The following FHOD3 variants were observed in gnomAD, a reference collection of about 807,000 sequenced individuals.
FHOD3 encodes FH1/FH2 domain-containing protein 3.
In FHOD3, 90 loss-of-function variants were observed where a neutral mutation model predicts 173.0. The observed-to-expected ratio is 0.52, with a 90% CI of 0.44 to 0.62. The LOEUF (loss-of-function observed/expected upper bound fraction) is 0.62. FHOD3 is among the 20% of genes least tolerant of loss of function. FHOD3 has a pLI of 0.00. For missense variants in FHOD3, 1,945 were observed against 2,034.7 expected (o/e 0.96, Z 0.85); for synonymous variants, 828 against 823.0 (o/e 1.01, Z -0.10).
At chr18:36,662,860 C>T (rs993114686) in intron 14 of FHOD3, among the ~76,000 whole-genome samples, 3 of 152,208 alleles carry the variant, frequency 2.0e-5, no homozygotes, top group Non-Finnish European at 2.9e-5. Flanking sequence ...TCCTTATATC[C>T]CTCTTTCCTC....
chr18:36,333,294 G>A (rs1299574564), intron 1 of FHOD3, among the ~76,000 whole-genome samples: 1 of 152,230 alleles, frequency 6.6e-6, no homozygotes, highest in Non-Finnish European at 1.5e-5. Context: ...GTCAGGTAAA[G>A]ACAGCTGCTG....
At chr18:36,578,256 G>A (rs2058727525) in intron 6 of FHOD3, among the ~76,000 whole-genome samples, 1 of 152,182 alleles carries the variant, frequency 6.6e-6, no homozygotes, top group Non-Finnish European at 1.5e-5. Flanking sequence ...CAAAATCATG[G>A]CGGAAGGCGG....
chr18:36,541,147 A>G (rs1400360499), intron 5 of FHOD3, among the ~76,000 whole-genome samples: 1 of 146,076 alleles, frequency 6.8e-6, no homozygotes, highest in Non-Finnish European at 1.5e-5. Context: ...GCTACTCTGG[A>G]GGCTGAGGAA....
chr18:36,456,276 T>C (rs908370242), intron 3 of FHOD3, among the ~76,000 whole-genome samples: 20 of 152,134 alleles, frequency 1.3e-4, no homozygotes, highest in Admixed American at 8.5e-4. Flanking sequence ...AATCAACTTC[T>C]GACATTGATT....
At chr18:36,769,733 C>T (rs952579548) in intron 28 of FHOD3, among the ~76,000 whole-genome samples, 4 of 151,966 alleles carry the variant, frequency 2.6e-5, no homozygotes, top group Admixed American at 6.6e-5. Flanking sequence ...GGGGTGAGCA[C>T]GATGGGCTAG....
intron 19 of FHOD3, among the ~76,000 whole-genome samples, chr18:36,721,976 T>C (rs2040818330): frequency 6.6e-6 from 1 of 152,148 alleles, no homozygotes; most frequent in African/African-American, 2.4e-5. Context: ...AAAACAAAGA[T>C]TCATGAGCCA....
At chr18:36,423,392 C>T (rs2050086797) in intron 3 of FHOD3, among the ~76,000 whole-genome samples, 2 of 152,120 alleles carry the variant, frequency 1.3e-5, no homozygotes, top group Non-Finnish European at 2.9e-5. Context: ...CATAGAACAG[C>T]TGATGTCATC....
intron 8 of FHOD3, among the ~76,000 whole-genome samples, chr18:36,608,136 C>A (rs1424649934): frequency 6.6e-6 from 1 of 152,198 alleles, no homozygotes; most frequent in Non-Finnish European, 1.5e-5. Flanking sequence ...TAGCAACAGC[C>A]CACTTCTCTG....
At chr18:36,305,150 C>T (rs987784017) in intron 1 of FHOD3, among the ~76,000 whole-genome samples, 5 of 152,158 alleles carry the variant, frequency 3.3e-5, no homozygotes, top group African/African-American at 9.7e-5. Flanking sequence ...TATCACCAAT[C>T]TGCAAAATAT....
intron 24 of FHOD3, among the ~76,000 whole-genome samples, chr18:36,753,644 T>C (rs906731350): frequency 9.8e-5 from 15 of 152,370 alleles, no homozygotes; most frequent in Middle Eastern, 3.4e-3. Context: ...TCATTTTCTA[T>C]GGCTGCTAAA....
At chr18:36,760,213 C>T (rs1237013110) in intron 26 of FHOD3, among the ~76,000 whole-genome samples, 1 of 152,178 alleles carries the variant, frequency 6.6e-6, no homozygotes, top group African/African-American at 2.4e-5. Context: ...AAAAATAAAG[C>T]TCAATATGCT....
intron 14 of FHOD3, among the ~76,000 whole-genome samples, chr18:36,662,144 T>G (rs1234203679): frequency 6.6e-6 from 1 of 152,192 alleles, no homozygotes; most frequent in Non-Finnish European, 1.5e-5. Context: ...TTGTGAGGCT[T>G]TGGGAAAGGC....
chr18:36,438,095 A>G (rs1377681997), intron 3 of FHOD3, among the ~76,000 whole-genome samples: 1 of 152,168 alleles, frequency 6.6e-6, no homozygotes, highest in African/African-American at 2.4e-5. Flanking sequence ...CAAGGCTGTT[A>G]GGAACCTCCA....
intron 8 of FHOD3, among the ~76,000 whole-genome samples, chr18:36,604,188 A>G (rs1446330565): frequency 6.6e-6 from 1 of 151,852 alleles, no homozygotes; most frequent in African/African-American, 2.4e-5. Flanking sequence ...CTCGCCAGCC[A>G]CCCCATGGGC....
intron 10 of FHOD3, among the ~76,000 whole-genome samples, chr18:36,642,882 GT>G (rs996717958): frequency 7.3e-5 from 11 of 150,704 alleles, no homozygotes; most frequent in African/African-American, 1.5e-4. Context: ...TATTGTGGGG[GT>G]TTTTTTCAGT....
At chr18:36,603,783 C>T (rs968819382) in intron 8 of FHOD3, among the ~76,000 whole-genome samples, 19 of 152,154 alleles carry the variant, frequency 1.2e-4, no homozygotes, top group Admixed American at 4.6e-4. Context: ...GGATTACAGG[C>T]GTGAGCCACT....
At chr18:36,650,386 G>A (rs2035970454) in intron 11 of FHOD3, among the ~76,000 whole-genome samples, 2 of 152,080 alleles carry the variant, frequency 1.3e-5, no homozygotes, top group Admixed American at 6.5e-5. Flanking sequence ...TGCCATGCCC[G>A]GGGGTCATAG....
At chr18:36,302,643 G>A (rs557134192) in intron 1 of FHOD3, among the ~76,000 whole-genome samples, 6 of 152,312 alleles carry the variant, frequency 3.9e-5, no homozygotes, top group African/African-American at 9.6e-5. Context: ...TGATTGATTG[G>A]TGTTAGTTTT....
At position 36,735,538 on chromosome 18, in the gene FHOD3, A is replaced by C. The variant is rs2041587749; in HGVS notation, c.3576+4734A>C. Among the ~76,000 whole-genome samples, 3 of 152,350 alleles carry C rather than the reference A, an allele frequency of 2.0e-5. No individual in the cohort carries two copies. The South Asian group carries it at 6.2e-4, about 32-fold the overall frequency. ...GCCTTGGTGGATCCAGCTTAGCTTC[A>C]GGCAAATCATTTTGTCTGTGTTTGA... is the stretch of plus-strand genomic sequence containing the variant. On this transcript the variant is annotated intron_variant, in intron 20 of 28. Transcript: ENST00000590592.
Sources: allele counts gnomAD v4.1 joint callset (sites outside exome capture counted in the v4.1 genomes callset), GRCh38; gene constraint gnomAD v4.1.1; transcripts MANE v1.5; gene names NCBI Gene and HGNC (gene_info 2026-07-23, HGNC 2026-07-21).